The following TYW3 variants were observed in gnomAD, a reference collection of about 807,000 sequenced individuals.
TYW3 encodes the protein tRNA-yW synthesizing protein 3 homolog.
In TYW3, 26 loss-of-function variants were observed where a neutral mutation model predicts 23.1. The ratio of observed to expected loss-of-function variants is 1.13; its 90% CI spans 0.83 to 1.56. The LOEUF is 1.56. Ranked by LOEUF, TYW3 falls within the 40% of genes most tolerant of loss-of-function variation. The probability of loss-of-function intolerance (pLI) is 0.00; values close to 1 mark genes in which losing one functional copy is unlikely to be tolerated. For synonymous variants in TYW3, 102 were observed against 105.7 expected, an observed-to-expected ratio of 0.97 and a Z score of 0.21; for missense variants, 316 against 311.9, an observed-to-expected ratio of 1.01 and a Z score of -0.10.
Position 74,736,712 on chromosome 1 carries a change from A to G in TYW3, c.255+90A>G, listed in dbSNP as rs1570048911. The G allele has an allele frequency of 2.9e-6, 3 of 1,029,958 alleles. No homozygotes were observed. In the East Asian group the frequency reaches 7.9e-5, roughly 27 times the overall value. The allele number at this position is 1,029,958 out of a possible 1,614,324, so 63.8% of individuals were successfully genotyped here. ...AAGAATAGAAAATTCAAGGTAATTT[A>G]TATGCAGAGTTATAATGGCTGAAGA... On this transcript the variant is annotated intron_variant, in intron 2 of 5. Transcript: ENST00000370867.
chr1:74,760,304 CA>C (rs981316225), intron 5 of TYW3, among the ~76,000 whole-genome samples: 1 of 151,558 alleles, frequency 6.6e-6, no homozygotes, highest in Non-Finnish European at 1.5e-5. Flanking sequence ...AGCTTTTATT[CA>C]AAAAAAATCT....
chr1:74,754,114 CT>C (rs1355849114), intron 5 of TYW3, among the ~76,000 whole-genome samples: 1 of 152,170 alleles, frequency 6.6e-6, no homozygotes, highest in Non-Finnish European at 1.5e-5. Context: ...AAGTTTACCA[CT>C]TATTAAATTG....
chr1:74,738,868 A>ATC, intron 3 of TYW3, 80 bp downstream of exon 3: 4 of 931,458 alleles, frequency 4.3e-6, no homozygotes, highest in Non-Finnish European at 6.6e-6. Flanking sequence ...TGCTATAAAT[A>ATC]TCAATGAGAT....
chr1:74,733,445 G>T, intron 1 of TYW3, 27 bp downstream of exon 1: 1 of 1,612,044 alleles, frequency 6.2e-7, no homozygotes. Flanking sequence ...CCTGTCCATC[G>T]CCTGCCTTCT....
intron 3 of TYW3, among the ~76,000 whole-genome samples, chr1:74,748,059 G>A (rs1648649465): frequency 1.3e-5 from 2 of 152,150 alleles, no homozygotes; most frequent in African/African-American, 4.8e-5. Context: ...GGGCTGTCCT[G>A]TATAATGGAG....
At position 74,736,579 on chromosome 1, in the gene TYW3, G is replaced by A. The variant is rs752742293; in HGVS notation, c.212G>A (p.Cys71Tyr). 3 of 1,603,436 alleles carry A rather than the reference G, an allele frequency of 1.9e-6. No homozygotes were observed. The highest frequency in any genetic ancestry group is 1.3e-5 in the African/African-American group (1 of 74,740). The change falls in exon 2 of 6, where the codon TGC becomes TAC. Residue 71 changes from cysteine (C) to tyrosine (Y), a missense_variant. Physicochemically the swap from Cys to Tyr is radical, Grantham distance 194. Transcript: ENST00000370867. ...TTTGAGGTTCAGAAACAAAACTGTTGCTGGCTACTGGTTACACACAAACTT... is the reference window on the plus strand; with the variant it reads ...TTTGAGGTTCAGAAACAAAACTGTTACTGGCTACTGGTTACACACAAACTT... ...NGFEVQKQNC[C>Y]WLLVTHKLCV...
rs1649277162 is a variant in TYW3, at chr1:74,765,547, G to A, written c.*1434G>A. 6.6e-6 allele frequency: 1 copy of A among 152,068 alleles called. No homozygotes were observed. The highest frequency in any genetic ancestry group is 1.5e-5 in the Non-Finnish European group (1 of 67,990). The allele number at this position is 152,068 out of a possible 1,614,324, so 9.4% of individuals were successfully genotyped here. A position where few individuals can be genotyped will look rare whatever the true frequency, so the allele number is the denominator to read the frequency against. ...GCAGGAAAGGGAACTCACAGTGTCGGAATGCCTGGAGCATTTCTTCTAGTC... is the reference window on the plus strand; with the variant it reads ...GCAGGAAAGGGAACTCACAGTGTCGAAATGCCTGGAGCATTTCTTCTAGTC... On this transcript the variant is annotated 3_prime_UTR_variant, in exon 6 of 6. Transcript: ENST00000370867.
intron 5 of TYW3, among the ~76,000 whole-genome samples, chr1:74,760,221 G>A (rs1294587007): frequency 6.6e-6 from 1 of 152,084 alleles, no homozygotes; most frequent in African/African-American, 2.4e-5. Flanking sequence ...GGAGTGGTTG[G>A]TCCTGCTATC....
intron 1 of TYW3, 183 bp downstream of exon 1, chr1:74,733,601 A>G (rs1011950046): frequency 1.0e-5 from 10 of 963,176 alleles, no homozygotes; most frequent in South Asian, 4.8e-5. Context: ...TAACGTGGCT[A>G]TTAATCAGCT....
At chr1:74,749,833 G>A (rs1648714936) in intron 4 of TYW3, among the ~76,000 whole-genome samples, 1 of 152,172 alleles carries the variant, frequency 6.6e-6, no homozygotes, top group Non-Finnish European at 1.5e-5. Context: ...GTGCGTAGCT[G>A]TGGTCCCAGC....
chr1:74,733,515 G>A, intron 1 of TYW3, 97 bp downstream of exon 1: 1 of 1,514,818 alleles, frequency 6.6e-7, no homozygotes, highest in African/African-American at 1.4e-5. Context: ...GCATGTCTGT[G>A]TTTGCTCCTC....
chr1:74,756,755 A>G (rs1648968681), intron 5 of TYW3, among the ~76,000 whole-genome samples: 1 of 152,224 alleles, frequency 6.6e-6, no homozygotes, highest in African/African-American at 2.4e-5. Flanking sequence ...CCCCAAGGCA[A>G]TGGGGAAAAT....
chr1:74,744,061 G>A (rs1393648748), intron 3 of TYW3, among the ~76,000 whole-genome samples: 1 of 152,146 alleles, frequency 6.6e-6, no homozygotes, highest in Non-Finnish European at 1.5e-5. Flanking sequence ...AGGCGTTTTT[G>A]TGGTCCTTTG....
At chr1:74,763,360 C>T (rs1401033912) in intron 5 of TYW3, among the ~76,000 whole-genome samples, 1 of 151,972 alleles carries the variant, frequency 6.6e-6, no homozygotes, top group Admixed American at 6.6e-5. Context: ...ATCTAGATGA[C>T]ATAATGTTGT....
chr1:74,745,977 A>G (rs1030516253), intron 3 of TYW3, among the ~76,000 whole-genome samples: 3 of 152,150 alleles, frequency 2.0e-5, no homozygotes, highest in African/African-American at 7.2e-5. Context: ...CATCCTTATG[A>G]TTTCATTTAA....
At chr1:74,756,016 A>G (rs370327857) in intron 5 of TYW3, among the ~76,000 whole-genome samples, 2 of 152,236 alleles carry the variant, frequency 1.3e-5, no homozygotes, top group East Asian at 3.9e-4. Context: ...CGCCCTGCAC[A>G]AGTTCTCTTC....
chr1:74,763,576 A>G (rs980624548), intron 5 of TYW3, among the ~76,000 whole-genome samples: 1 of 152,074 alleles, frequency 6.6e-6, no homozygotes, highest in Non-Finnish European at 1.5e-5. Context: ...CATTATACAA[A>G]TTACCTAAAA....
chr1:74,739,944 A>C (rs1215392074), intron 3 of TYW3, among the ~76,000 whole-genome samples: 1 of 152,198 alleles, frequency 6.6e-6, no homozygotes, highest in African/African-American at 2.4e-5. Context: ...GAGGAGAAAG[A>C]GGAATCAAGG....
chr1:74,737,142 A>G (rs1648181533), intron 2 of TYW3, among the ~76,000 whole-genome samples: 1 of 152,212 alleles, frequency 6.6e-6, no homozygotes, highest in Non-Finnish European at 1.5e-5. Flanking sequence ...TACAAATCCA[A>G]TTCTGTTTTT....
Sources: allele counts gnomAD v4.1 joint callset (sites outside exome capture counted in the v4.1 genomes callset), GRCh38; gene constraint gnomAD v4.1.1; transcripts MANE v1.5; gene names NCBI Gene and HGNC (gene_info 2026-07-23, HGNC 2026-07-21).